EPCAM: variants seen among roughly 807,000 people sequenced by gnomAD.
EPCAM encodes adenocarcinoma-associated antigen.
EPCAM carries 39 observed loss-of-function variants against 40.0 expected under a neutral mutation model. That is an observed-to-expected ratio of 0.98 (90% CI 0.76 to 1.27). EPCAM has a LOEUF of 1.27. Ranked by LOEUF, EPCAM falls within the 50% of genes most tolerant of loss-of-function variation. The pLI, the probability that EPCAM is intolerant of heterozygous loss-of-function variation, is 0.00. For synonymous variants in EPCAM, 168 were observed against 132.3 expected, an observed-to-expected ratio of 1.27 and a Z score of -1.85; for missense variants, 503 against 381.2, an observed-to-expected ratio of 1.32 and a Z score of -2.66.
chr2:47,380,668 T>C (rs1305405241), intron 7 of EPCAM, among the ~76,000 whole-genome samples: 2 of 152,218 alleles, frequency 1.3e-5, no homozygotes, highest in Admixed American at 6.5e-5. Context: ...AAAAGTGATA[T>C]GTGAATCAAT....
intron 7 of EPCAM, among the ~76,000 whole-genome samples, chr2:47,381,920 CT>C (rs1671602475): frequency 6.6e-6 from 1 of 152,148 alleles, no homozygotes; most frequent in South Asian, 2.1e-4. Flanking sequence ...GTATGTGCCA[CT>C]ATACCTGGCT....
At chr2:47,373,039 C>G (rs1027330285) in intron 1 of EPCAM, among the ~76,000 whole-genome samples, 4 of 150,852 alleles carry the variant, frequency 2.7e-5, no homozygotes, top group Non-Finnish European at 4.4e-5. Context: ...AACCCCGTAT[C>G]TACAAAAAGT....
intron 7 of EPCAM, among the ~76,000 whole-genome samples, chr2:47,384,435 A>G (rs1490058437): frequency 6.6e-6 from 1 of 150,690 alleles, no homozygotes; most frequent in African/African-American, 2.4e-5. Context: ...TTTTTTAGAG[A>G]TGGAGTCCCA....
intron 5 of EPCAM, among the ~76,000 whole-genome samples, chr2:47,377,313 T>C (rs1671452472): frequency 6.6e-6 from 1 of 152,110 alleles, no homozygotes; most frequent in African/African-American, 2.4e-5. Flanking sequence ...CTCGGCTCAA[T>C]GTAACCTCTG....
chr2:47,384,640 C>T (rs1278459773), intron 7 of EPCAM, among the ~76,000 whole-genome samples: 1 of 151,738 alleles, frequency 6.6e-6, no homozygotes. Context: ...CTGGTCTTGA[C>T]CTCCTGACCT....
At chr2:47,381,402 AAAAAAAAAAAG>A (rs1200367594) in intron 7 of EPCAM, among the ~76,000 whole-genome samples, 1 of 151,236 alleles carries the variant, frequency 6.6e-6, no homozygotes. Context: ...CAAAAAAAAA[AAAAAAAAAAAG>A]AAATCTTACT....
intron 1 of EPCAM, among the ~76,000 whole-genome samples, chr2:47,370,789 G>A (rs1671241534): frequency 6.6e-6 from 1 of 150,684 alleles, no homozygotes; most frequent in African/African-American, 2.4e-5. Context: ...GGAGTACAAC[G>A]GCGCGATCTC....
Position 47,369,426 on chromosome 2 carries a change from C to A in EPCAM, c.-80C>A. On this transcript the variant is annotated 5_prime_UTR_variant, in exon 1 of 9. Coordinates refer to ENST00000263735, the MANE Select transcript of EPCAM (RefSeq NM_002354.3). The stretch of plus-strand genomic sequence containing the variant: ...CAGGCCTCGCGCTGCCCGGCCGGCT[C>A]CTCGTGTCCCACTCCCGGCGCACGC... The A allele has an allele frequency of 7.7e-7, 1 of 1,303,306 alleles. No homozygotes were observed. The highest frequency in any genetic ancestry group is 9.9e-7 in the Non-Finnish European group (1 of 1,008,258). The allele number at this position is 1,303,306 out of a possible 1,614,324, so 80.7% of individuals were successfully genotyped here. A position where few individuals can be genotyped will look rare whatever the true frequency, so the allele number is the denominator to read the frequency against.
At position 47,375,431 on chromosome 2, in the gene EPCAM, C is replaced by G. The variant is rs73927785; in HGVS notation, c.491+132C>G. On this transcript the variant is annotated intron_variant, in intron 4 of 8. Coordinates refer to ENST00000263735, the MANE Select transcript of EPCAM (RefSeq NM_002354.3). Reference sequence around the variant, plus strand: ...AATAAAGTTACTTGAAATAGAGTTGCAAGAATAGCACAGAGATTCTGGGAA... The same window carrying G: ...AATAAAGTTACTTGAAATAGAGTTGGAAGAATAGCACAGAGATTCTGGGAA... 4.8e-3 allele frequency: 3,307 copies of G among 684,776 alleles called. 88 individuals carry two copies. In the African/African-American group the frequency reaches 0.052, roughly 11 times the overall value. 42.4% of individuals were successfully genotyped at this position (684,776 alleles called of 1,614,324 possible).
chr2:47,377,038 G>C lies in EPCAM; in HGVS notation c.516G>C (p.Thr172=), dbSNP rs371372017. 6 of 1,611,110 alleles carry C rather than the reference G, an allele frequency of 3.7e-6. No individual in the cohort carries two copies. The highest frequency in any genetic ancestry group is 3.4e-6 in the Non-Finnish European group (4 of 1,177,466). ...GTGCACTTCAGAAGGAGATCACAAC[G>C]CGTTATCAACTGGATCCAAAATTTA... The part of the protein sequence containing the change: ...LRTALQKEIT[T]RYQLDPKFIT... The change falls in exon 5 of 9, where the codon ACG becomes ACC. Residue 172 remains threonine, a synonymous_variant. Coordinates refer to ENST00000263735, the MANE Select transcript of EPCAM (RefSeq NM_002354.3).
At chr2:47,371,008 A>T (rs1424643786) in intron 1 of EPCAM, among the ~76,000 whole-genome samples, 2 of 151,472 alleles carry the variant, frequency 1.3e-5, no homozygotes, top group African/African-American at 4.9e-5. Context: ...CCACAGTGCC[A>T]GCCGAATATT....
In EPCAM at chr2:47,373,526, A is replaced by G. The variant is rs2103745773; in HGVS notation, c.140A>G (p.Gln47Arg). 1.9e-6 allele frequency: 3 copies of G among 1,613,882 alleles called. No homozygotes were observed. Among genetic ancestry groups the G allele is most frequent in the South Asian group, 1.1e-5 (1 of 91,074 alleles). ...NCFVNNNRQC[Q>R]CTSVGAQNTV... ...TTTGTGAATAATAATCGTCAATGCC[A>G]GTGTACTTCAGTTGGTGCACAAAAT... Residue 47 changes from glutamine (Q) to arginine (R), a missense_variant, in exon 2 of 9, where the codon CAG (glutamine) becomes CGG (arginine). Physicochemically the swap from Gln to Arg is conservative, Grantham distance 43. Coordinates refer to ENST00000263735, the MANE Select transcript of EPCAM (RefSeq NM_002354.3).
intron 1 of EPCAM, among the ~76,000 whole-genome samples, chr2:47,370,098 G>A (rs1263307711): frequency 6.6e-6 from 1 of 152,242 alleles, no homozygotes; most frequent in Non-Finnish European, 1.5e-5. Context: ...CGCGGCAGGC[G>A]GCCCGGACCA....
chr2:47,381,409 A>AAG (rs1288587034), intron 7 of EPCAM, among the ~76,000 whole-genome samples: 4 of 151,420 alleles, frequency 2.6e-5, no homozygotes, highest in Admixed American at 2.6e-4. Flanking sequence ...AAAAAAAAAA[A>AAG]AAAGAAATCT....
At chr2:47,383,497 G>A (rs965410514) in intron 7 of EPCAM, 1 of 150,676 alleles carries the variant, frequency 6.6e-6, no homozygotes. Flanking sequence ...TAGAGACAGG[G>A]TTTCACCATA....
chr2:47,376,075 G>T (rs768257358), intron 4 of EPCAM, among the ~76,000 whole-genome samples: 4 of 151,934 alleles, frequency 2.6e-5, no homozygotes, highest in Non-Finnish European at 5.9e-5. Flanking sequence ...TTTCCCCTCT[G>T]ATTCAGGACC....
At chr2:47,370,149 T>A (rs985259097) in intron 1 of EPCAM, among the ~76,000 whole-genome samples, 1 of 152,248 alleles carries the variant, frequency 6.6e-6, no homozygotes, top group Non-Finnish European at 1.5e-5. Flanking sequence ...AAGGATCATA[T>A]GAGTAATGCC....
intron 1 of EPCAM, chr2:47,369,863 A>G: frequency 1.3e-5 from 7 of 555,894 alleles, no homozygotes; most frequent in South Asian, 1.0e-4. Flanking sequence ...CGGAGTGGCC[A>G]CGTCCAGGTT....
chr2:47,381,318 C>A (rs58080795), intron 7 of EPCAM, among the ~76,000 whole-genome samples: 3,204 of 149,494 alleles, frequency 0.021, 134 homozygotes, highest in African/African-American at 0.076. Context: ...ATCACTTGAA[C>A]CCAGGAGGTG....
Sources: allele counts gnomAD v4.1 joint callset (sites outside exome capture counted in the v4.1 genomes callset), GRCh38; gene constraint gnomAD v4.1.1; transcripts MANE v1.5; gene names NCBI Gene and HGNC (gene_info 2026-07-23, HGNC 2026-07-21).